Variants in DCC observed in about 807,000 individuals in gnomAD.
The protein encoded by DCC is DCC netrin 1 receptor.
Under a neutral mutation model 172.5 loss-of-function variants are expected in DCC, and 58 were observed. The ratio of observed to expected loss-of-function variants is 0.34; its 90% CI spans 0.27 to 0.42. The LOEUF is 0.42. DCC is among the 10% of genes least tolerant of loss of function. DCC has a pLI of 1.00. For missense variants in DCC, 1,740 were observed against 1,791.0 expected (o/e 0.97, Z 0.51); for synonymous variants, 709 against 644.5 (o/e 1.10, Z -1.52).
At chr18:53,177,846 C>T (rs1488596226) in intron 8 of DCC, among the ~76,000 whole-genome samples, 1 of 152,224 alleles carries the variant, frequency 6.6e-6, no homozygotes, top group Non-Finnish European at 1.5e-5. Flanking sequence ...GCGAGCCAGT[C>T]TCTGCCATCA....
chr18:53,259,201 C>T (rs1225707359), intron 12 of DCC, among the ~76,000 whole-genome samples: 1 of 152,042 alleles, frequency 6.6e-6, no homozygotes, highest in Non-Finnish European at 1.5e-5. Context: ...GAGCATTTAG[C>T]CCATTTACAT....
intron 5 of DCC, among the ~76,000 whole-genome samples, chr18:52,982,355 G>A (rs530663878): frequency 7.2e-4 from 109 of 152,244 alleles, no homozygotes; most frequent in African/African-American, 2.4e-3. Context: ...ACAAATTGAG[G>A]ATGGTTATGA....
intron 7 of DCC, among the ~76,000 whole-genome samples, chr18:53,148,903 G>T (rs958254848): frequency 8.4e-5 from 9 of 107,096 alleles, no homozygotes; most frequent in African/African-American, 3.4e-4. Context: ...TCGCTCTGTT[G>T]CCCAGGCTGG....
intron 1 of DCC, among the ~76,000 whole-genome samples, chr18:52,407,228 A>T (rs1986684448): frequency 6.6e-6 from 1 of 152,084 alleles, no homozygotes; most frequent in South Asian, 2.1e-4. Flanking sequence ...ACAGTCAGTG[A>T]TGCTTATGGG....
chr18:52,397,005 G>C (rs1214623437), intron 1 of DCC, among the ~76,000 whole-genome samples: 1 of 152,002 alleles, frequency 6.6e-6, no homozygotes, highest in East Asian at 1.9e-4. Context: ...AAATGTTTCT[G>C]TGTATAGAAA....
intron 1 of DCC, among the ~76,000 whole-genome samples, chr18:52,535,667 A>G (rs1327569850): frequency 6.6e-6 from 1 of 152,198 alleles, no homozygotes; most frequent in Non-Finnish European, 1.5e-5. Context: ...CAAAACACTA[A>G]AATAATTATT....
chr18:52,858,020 CA>C (rs761326244), intron 2 of DCC, among the ~76,000 whole-genome samples: 28 of 152,274 alleles, frequency 1.8e-4, no homozygotes, highest in Non-Finnish European at 3.2e-4. Flanking sequence ...CTCGTTTACC[CA>C]AATATGTTCA....
chr18:52,932,202 C>T (rs2040316586), intron 5 of DCC, among the ~76,000 whole-genome samples: 1 of 152,086 alleles, frequency 6.6e-6, no homozygotes. Flanking sequence ...TTTTTCCATT[C>T]TTATGTTCAA....
intron 5 of DCC, among the ~76,000 whole-genome samples, chr18:52,982,539 T>C (rs897430524): frequency 6.6e-6 from 1 of 152,022 alleles, no homozygotes; most frequent in Admixed American, 6.6e-5. Flanking sequence ...CATTTGGGCC[T>C]GGATAATTCT....
intron 12 of DCC, among the ~76,000 whole-genome samples, chr18:53,285,555 G>C (rs2056925624): frequency 6.6e-6 from 1 of 152,230 alleles, no homozygotes; most frequent in Non-Finnish European, 1.5e-5. Flanking sequence ...TGCTGCAGGG[G>C]CACGACCCTC....
chr18:52,928,409 C>G (rs1330116308), intron 5 of DCC, among the ~76,000 whole-genome samples: 1 of 152,074 alleles, frequency 6.6e-6, no homozygotes, highest in African/African-American at 2.4e-5. Flanking sequence ...ATATAACAAA[C>G]CTGTACTTGT....
intron 5 of DCC, among the ~76,000 whole-genome samples, chr18:53,016,326 G>T (rs2041807082): frequency 6.6e-6 from 1 of 151,928 alleles, no homozygotes; most frequent in South Asian, 2.1e-4. Flanking sequence ...ACATTCAAAG[G>T]CATGTCCTAT....
chr18:52,553,202 A>G (rs529258053), intron 1 of DCC, among the ~76,000 whole-genome samples: 1 of 152,080 alleles, frequency 6.6e-6, no homozygotes, highest in African/African-American at 2.4e-5. Context: ...GTGTATATAC[A>G]TACTTATACA....
At position 52,394,775 on chromosome 18, in the gene DCC, A is replaced by T. The variant is rs74703335; in HGVS notation, c.91+53897A>T. On this transcript the variant is annotated intron_variant, in intron 1 of 28. Coordinates refer to ENST00000442544, the MANE Select transcript of DCC (RefSeq NM_005215.4). ...AACTCTGGTTTTCAAGGAAACTGAAACCAGAGGAGCCCTAATAATACATGT... is the reference window on the plus strand; with the variant it reads ...AACTCTGGTTTTCAAGGAAACTGAATCCAGAGGAGCCCTAATAATACATGT... 9.2e-3 allele frequency among the ~76,000 whole-genome samples: 1,398 copies of T among 152,142 alleles called. 23 individuals carry two copies. Among genetic ancestry groups the T allele is most frequent in the African/African-American group, 0.032 (1,314 of 41,520 alleles).
At chr18:53,401,292 TC>T (rs1403689378) in intron 18 of DCC, among the ~76,000 whole-genome samples, 2 of 152,080 alleles carry the variant, frequency 1.3e-5, no homozygotes, top group Non-Finnish European at 2.9e-5. Flanking sequence ...TCTCCTTCAT[TC>T]CCCCCTCCTC....
At chr18:53,468,614 C>T (rs2045656414) in intron 25 of DCC, among the ~76,000 whole-genome samples, 1 of 152,044 alleles carries the variant, frequency 6.6e-6, no homozygotes, top group African/African-American at 2.4e-5. Context: ...AGCTCCTGAC[C>T]TCATGTGATC....
At chr18:52,977,384 C>G (rs186379751) in intron 5 of DCC, among the ~76,000 whole-genome samples, 1 of 152,218 alleles carries the variant, frequency 6.6e-6, no homozygotes, top group African/African-American at 2.4e-5. Context: ...CCCATGAGGA[C>G]ATTTAAAAAG....
At chr18:52,646,857 G>A (rs1201200798) in intron 1 of DCC, among the ~76,000 whole-genome samples, 1 of 152,080 alleles carries the variant, frequency 6.6e-6, no homozygotes, top group Non-Finnish European at 1.5e-5. Flanking sequence ...CTCTTTTCCT[G>A]GAATCACTGG....
At chr18:53,171,030 T>G (rs1182486198) in intron 8 of DCC, among the ~76,000 whole-genome samples, 1 of 152,042 alleles carries the variant, frequency 6.6e-6, no homozygotes, top group Non-Finnish European at 1.5e-5. Context: ...AATTACAGGC[T>G]CATGCCACCA....
Sources: gnomAD v4.1 joint callset for allele counts (sites outside exome capture counted in the v4.1 genomes callset) on GRCh38, gnomAD v4.1.1 for gene constraint, MANE v1.5 for transcripts, NCBI Gene and HGNC (gene_info 2026-07-23, HGNC 2026-07-21) for gene names.